Variants in MCMBP observed in about 807,000 individuals in gnomAD.
MCMBP encodes the protein mini-chromosome maintenance complex-binding protein.
In MCMBP, 31 loss-of-function variants were observed where a neutral mutation model predicts 81.3. That is an observed-to-expected ratio of 0.38 (90% CI 0.29 to 0.51). The LOEUF is 0.51. Ranked by LOEUF, MCMBP falls within the 20% of genes least tolerant of loss-of-function variation. The probability of loss-of-function intolerance (pLI) is 0.87; values close to 1 mark genes in which losing one functional copy is unlikely to be tolerated. For missense variants in MCMBP, 645 were observed against 772.1 expected, an observed-to-expected ratio of 0.84 and a Z score of 1.95; for synonymous variants, 267 against 275.9, an observed-to-expected ratio of 0.97 and a Z score of 0.32.
Position 119,840,898 on chromosome 10 carries a change from C to T in MCMBP, c.1187G>A (p.Arg396Gln), listed in dbSNP as rs368084321. The change falls in exon 11 of 16, where the codon CGG becomes CAG. Residue 396 changes from arginine to glutamine, a missense_variant. Physicochemically the swap from Arg to Gln is conservative, Grantham distance 43 (BLOSUM62 1). Transcript: ENST00000369077. The part of the protein sequence containing the change: ...KFTVNLSGCP[R>Q]NSTFTEHLYR... ...CAAGTGTTCTGTGAAGGTACTATTC[C>T]GTGGGCAACCACTCAAGTTAACTGT... 8 of 1,610,690 alleles carry T rather than the reference C, an allele frequency of 5.0e-6. No homozygotes were observed. The highest frequency in any genetic ancestry group is 5.9e-6 in the Non-Finnish European group (7 of 1,178,802).
rs1480147112 is a variant in MCMBP, at chr10:119,866,396, C to T, written c.58+6131G>A. Among the ~76,000 whole-genome samples the T allele has an allele frequency of 3.3e-5, 5 of 152,128 alleles. No homozygotes were observed. In the South Asian group the frequency reaches 8.3e-4, roughly 25 times the overall value. Reference sequence around the variant, plus strand: ...ATCCCAACACTTTGGGAGGCCGAGGCGTGTGGATCACCTGAGATCAGGAGT... The same window carrying T: ...ATCCCAACACTTTGGGAGGCCGAGGTGTGTGGATCACCTGAGATCAGGAGT... On this transcript the variant is annotated intron_variant, in intron 1 of 15. Transcript: ENST00000369077.
Position 119,831,961 on chromosome 10 carries a change from GACATAT to G in MCMBP, c.1796+45_1796+50del, listed in dbSNP as rs745620639. 3.6e-5 allele frequency: 54 copies of G among 1,493,762 alleles called. 1 individual carries two copies. In the African/African-American group the frequency reaches 7.2e-4, roughly 20 times the overall value. The allele number at this position is 1,493,762 out of a possible 1,614,324, so 92.5% of individuals were successfully genotyped here. Reference sequence around the variant, plus strand: ...TCAGTTACTGCTGAATAACTCAGAAGACATATACACAAGCTTACCGAAACAGCAATA... The same window carrying G: ...TCAGTTACTGCTGAATAACTCAGAAGACACAAGCTTACCGAAACAGCAATA... On this transcript the variant is annotated intron_variant, in intron 15 of 15. Transcript: ENST00000369077.
intron 4 of MCMBP, 88 bp from the exon 5 acceptor site, chr10:119,857,527 T>C: frequency 1.4e-6 from 1 of 692,132 alleles, no homozygotes. Flanking sequence ...TTTCACATTA[T>C]AACACCACAG....
chr10:119,842,606 A>G lies in MCMBP; in HGVS notation c.1001-11T>C. The G allele has an allele frequency of 6.2e-7, 1 of 1,611,192 alleles. No homozygotes were observed. Among genetic ancestry groups the G allele is most frequent in the Admixed American group, 1.7e-5 (1 of 59,594 alleles). ...TGAAACTTGAAACAACTGAAGGAGA[A>G]AGGAAGACCTGAGTCAGGACACACA... On this transcript the variant is annotated splice_polypyrimidine_tract_variant and intron_variant, in intron 9 of 15. Coordinates refer to ENST00000369077, the MANE Select transcript of MCMBP (RefSeq NM_001256378.2).
At chr10:119,865,920 G>A (rs1460772977) in intron 1 of MCMBP, among the ~76,000 whole-genome samples, 1 of 151,704 alleles carries the variant, frequency 6.6e-6, no homozygotes, top group East Asian at 1.9e-4. Context: ...TACAAAAAAT[G>A]ATTTAAAAAT....
Position 119,872,631 on chromosome 10 carries a change from G to A in MCMBP, c.-47C>T, listed in dbSNP as rs1476111381. The stretch of plus-strand genomic sequence containing the variant: ...CGAAGACCGGGCGGAGGCGATCCGC[G>A]GGCCGAGCGCGGCCGGGCGGCCGGC... On this transcript the variant is annotated 5_prime_UTR_variant, in exon 1 of 16. Transcript: ENST00000369077. The A allele has an allele frequency of 1.6e-5, 18 of 1,100,550 alleles. No homozygotes were observed. The highest frequency in any genetic ancestry group is 2.0e-5 in the Non-Finnish European group (18 of 887,824). The allele number at this position is 1,100,550 out of a possible 1,614,324, so 68.2% of individuals were successfully genotyped here.
At chr10:119,863,553 C>A (rs961615524) in intron 1 of MCMBP, among the ~76,000 whole-genome samples, 14 of 151,708 alleles carry the variant, frequency 9.2e-5, no homozygotes, top group Admixed American at 3.9e-4. Flanking sequence ...ACATGGCAAA[C>A]CCCCGTCTCT....
Position 119,834,337 on chromosome 10 carries a change from A to G in MCMBP, c.1707+1203T>C, listed in dbSNP as rs1564869206. On this transcript the variant is annotated intron_variant, in intron 14 of 15. Coordinates refer to ENST00000369077, the MANE Select transcript of MCMBP (RefSeq NM_001256378.2). ...GCCACAAAATCTTGAAAGCAGTGAC[A>G]GAAAAATGACTCAGTGTGTACAAAG... Among the ~76,000 whole-genome samples the G allele has an allele frequency of 3.9e-5, 6 of 152,356 alleles. No individual in the cohort carries two copies. In the South Asian group the frequency reaches 1.2e-3, roughly 32 times the overall value.
At chr10:119,863,457 C>T (rs1853332041) in intron 1 of MCMBP, among the ~76,000 whole-genome samples, 2 of 152,160 alleles carry the variant, frequency 1.3e-5, no homozygotes, top group South Asian at 2.1e-4. Context: ...GAGGGCCAGG[C>T]GGGGTGGCTC....
chr10:119,840,251 C>G (rs764580895), intron 11 of MCMBP, among the ~76,000 whole-genome samples: 2 of 152,078 alleles, frequency 1.3e-5, no homozygotes, highest in South Asian at 4.1e-4. Flanking sequence ...AGGGCCTGGA[C>G]GAGTGTTAGC....
rs141778510 is a variant in MCMBP, at chr10:119,859,862, G to C, written c.81C>G (p.Asp27Glu). Residue 27 changes from aspartate to glutamate, a missense_variant, in exon 2 of 16, where the codon GAC (aspartate) becomes GAG (glutamate). Transcript: ENST00000369077. ...AATACTCAATTACTTTCTTCTCCCA[G>C]TCAGGATTAACTCCATTTTGGGCTG... Reference protein sequence around the residue: ...GFFAQNGVNPDWEKKVIEYFK... With the variant: ...GFFAQNGVNPEWEKKVIEYFK... The C allele has an allele frequency of 1.3e-4, 205 of 1,612,646 alleles. No homozygotes were observed. The highest frequency in any genetic ancestry group is 1.6e-4 in the Non-Finnish European group (183 of 1,179,422).
rs114490961 is a variant in MCMBP, at chr10:119,849,065, G to C, written c.726+360C>G. 1.5e-3 allele frequency among the ~76,000 whole-genome samples: 222 copies of C among 152,182 alleles called. 2 individuals are homozygous for C. The highest frequency in any genetic ancestry group is 4.8e-3 in the African/African-American group (198 of 41,540). ...TAATCACACGGATTCTTAAAATTGG[G>C]GAAACTTTCTTGGTTGTGGTCAGAT... On this transcript the variant is annotated intron_variant, in intron 7 of 15. Transcript: ENST00000369077.
At chr10:119,835,507 A>C (rs374693982) in intron 14 of MCMBP, 33 bp downstream of exon 14, 1 of 1,579,534 alleles carries the variant, frequency 6.3e-7, no homozygotes, top group Admixed American at 1.8e-5. Context: ...GCAATTCAAC[A>C]CAGGGAAATC....
At position 119,843,344 on chromosome 10, in the gene MCMBP, C is replaced by T; in HGVS notation, c.910G>A (p.Val304Met). The T allele has an allele frequency of 6.2e-7, 1 of 1,614,116 alleles. No homozygotes were observed. Among genetic ancestry groups the T allele is most frequent in the Non-Finnish European group, 8.5e-7 (1 of 1,179,980 alleles). Residue 304 changes from valine (V) to methionine (M), a missense_variant, in exon 9 of 16, where the codon GTG becomes ATG. Transcript: ENST00000369077. ...GCTAAGATCACATGAATTCTCGGCA[C>T]TAATGAAGCAGGAGGACTGTGTACT... ...QRVHSPPASL[V>M]PRIHVILAQK...
rs546416946 is a variant in MCMBP at position 119,833,840 on chromosome 10, A to G, written c.1707+1700T>C. ...AACATTCAAAGAAATAAAGGAAACC[A>G]CATAAAAAGAACTTCAGGAAAATAT... On this transcript the variant is annotated intron_variant, in intron 14 of 15. Coordinates refer to ENST00000369077, the MANE Select transcript of MCMBP (RefSeq NM_001256378.2). Among the ~76,000 whole-genome samples the G allele has an allele frequency of 2.6e-5, 4 of 152,334 alleles. No individual in the cohort carries two copies. In the East Asian group the frequency reaches 7.7e-4, roughly 29 times the overall value.
intron 14 of MCMBP, among the ~76,000 whole-genome samples, chr10:119,833,124 A>G (rs537166819): frequency 3.3e-5 from 5 of 152,328 alleles, no homozygotes; most frequent in African/African-American, 1.2e-4. Context: ...CTGGGAGACT[A>G]CTACCCAGCA....
In MCMBP at chr10:119,834,151, G is replaced by C. The variant is rs181699178; in HGVS notation, c.1707+1389C>G. ...GTGGTAGTGTCAGAAGGAGAGCAGA[G>C]AGAAATGAGGCAGAAAGAAACATGG... On this transcript the variant is annotated intron_variant, in intron 14 of 15. Transcript: ENST00000369077. Among the ~76,000 whole-genome samples, 7 of 152,272 alleles carry C rather than the reference G, an allele frequency of 4.6e-5. No homozygotes were observed. The East Asian group carries it at 1.4e-3, about 29-fold the overall frequency.
intron 1 of MCMBP, among the ~76,000 whole-genome samples, chr10:119,867,801 G>C (rs1031354540): frequency 6.6e-6 from 1 of 152,090 alleles, no homozygotes; most frequent in Non-Finnish European, 1.5e-5. Flanking sequence ...CCCTGTTCTT[G>C]GGTTTTATAG....
chr10:119,836,774 T>TTTTG lies in MCMBP; in HGVS notation c.1542+121_1542+122insCAAA, dbSNP rs1852261988. Reference sequence around the variant, plus strand: ...CAGTCACAGTTTTTTTTTTTTTTTTTTTTTTTTTTTTTTTTTTTTTACAAC... The same window carrying TTTTG: ...CAGTCACAGTTTTTTTTTTTTTTTTTTTTGTTTTTTTTTTTTTTTTTTTTACAAC... On this transcript the variant is annotated intron_variant, in intron 13 of 15. Coordinates refer to ENST00000369077, the MANE Select transcript of MCMBP (RefSeq NM_001256378.2). The TTTTG allele has an allele frequency of 4.0e-5, 6 of 151,820 alleles. No individual in the cohort carries two copies. In the Admixed American group the frequency reaches 7.3e-4, roughly 18 times the overall value. The allele number at this position is 151,820 out of a possible 1,614,324, so 9.4% of individuals were successfully genotyped here.
Sources: allele counts gnomAD v4.1 joint callset (sites outside exome capture counted in the v4.1 genomes callset), GRCh38; gene constraint gnomAD v4.1.1; transcripts MANE v1.5; gene names NCBI Gene and HGNC (gene_info 2026-07-23, HGNC 2026-07-21).